Variants in NEBL observed in about 807,000 individuals in gnomAD.
The protein encoded by NEBL is LIM and SH3 protein 2.
NEBL carries 122 observed loss-of-function variants against 140.2 expected under a neutral mutation model. That is an observed-to-expected ratio of 0.87 (90% confidence interval 0.75 to 1.01). The LOEUF (loss-of-function observed/expected upper bound fraction) is 1.01, where lower values mean the gene tolerates loss of function less well. Among genes scored for constraint, NEBL ranks in the 50% least tolerant of loss-of-function variants. The probability of loss-of-function intolerance (pLI) is 0.00; values close to 1 mark genes in which losing one functional copy is unlikely to be tolerated. For synonymous variants in NEBL, 436 were observed against 398.9 expected (o/e 1.09, Z -1.11); for missense variants, 1,365 against 1,231.3 (o/e 1.11, Z -1.62).
At chr10:21,227,713 T>TTC (rs1842180073) in intron 3 of NEBL, among the ~76,000 whole-genome samples, 5 of 63,762 alleles carry the variant, frequency 7.8e-5, no homozygotes, top group Non-Finnish European at 1.3e-4. Context: ...TCTTCTTCTT[T>TTC]CTTCTTCTTC....
intron 1 of NEBL, among the ~76,000 whole-genome samples, chr10:21,260,189 A>G (rs1453153264): frequency 6.6e-6 from 1 of 152,224 alleles, no homozygotes; most frequent in Non-Finnish European, 1.5e-5. Flanking sequence ...CTAGAATGAA[A>G]CAGCTCATCC....
At chr10:20,990,773 C>G (rs528430650) in intron 3 of NEBL, among the ~76,000 whole-genome samples, 1 of 152,334 alleles carries the variant, frequency 6.6e-6, no homozygotes, top group East Asian at 1.9e-4. Flanking sequence ...CAGTGTGACT[C>G]AGTCACTAAT....
chr10:21,210,646 G>C (rs753990736), intron 3 of NEBL, among the ~76,000 whole-genome samples: 1 of 152,108 alleles, frequency 6.6e-6, no homozygotes, highest in Non-Finnish European at 1.5e-5. Context: ...TATGTATCTT[G>C]TAAGGCCTGT....
chr10:20,851,762 G>A (rs1314376223), intron 10 of NEBL, among the ~76,000 whole-genome samples: 1 of 152,088 alleles, frequency 6.6e-6, no homozygotes, highest in East Asian at 1.9e-4. Context: ...TCCAGCCAGG[G>A]TGACAGTGCG....
intron 3 of NEBL, among the ~76,000 whole-genome samples, chr10:21,227,721 TTC>T (rs796929319): frequency 3.8e-3 from 265 of 68,992 alleles, no homozygotes; most frequent in Middle Eastern, 6.5e-3. Context: ...TTTCTTCTTC[TTC>T]TTCTTCTTCT....
At chr10:20,908,486 A>C (rs996343298) in intron 4 of NEBL, among the ~76,000 whole-genome samples, 1 of 152,188 alleles carries the variant, frequency 6.6e-6, no homozygotes, top group Non-Finnish European at 1.5e-5. Flanking sequence ...GCAGGCCATA[A>C]TGAAAGCATT....
chr10:21,130,133 A>T (rs1238811230), intron 2 of NEBL, among the ~76,000 whole-genome samples: 1 of 152,156 alleles, frequency 6.6e-6, no homozygotes, highest in Admixed American at 6.5e-5. Context: ...ACTTCAAAAC[A>T]GGGAAAGTCA....
intron 10 of NEBL, among the ~76,000 whole-genome samples, chr10:20,851,675 C>G (rs970073508): frequency 6.6e-6 from 1 of 151,112 alleles, no homozygotes; most frequent in Non-Finnish European, 1.5e-5. Context: ...ATCTCTGCTA[C>G]TCGGGAGGCT....
chr10:20,855,762 T>G (rs1270492561), intron 9 of NEBL, among the ~76,000 whole-genome samples: 1 of 152,146 alleles, frequency 6.6e-6, no homozygotes, highest in Non-Finnish European at 1.5e-5. Context: ...ACACAGTAAT[T>G]AAGGCACTCA....
chr10:20,817,535 C>A, intron 21 of NEBL, 65 bp downstream of exon 21: 1 of 1,229,710 alleles, frequency 8.1e-7, no homozygotes. Context: ...TAAATACAAT[C>A]CCTTCATTCA....
At chr10:20,815,766 A>G in intron 21 of NEBL, 49 bp from the exon 22 acceptor site, 1 of 1,227,524 alleles carries the variant, frequency 8.1e-7, no homozygotes, top group Non-Finnish European at 1.2e-6. Flanking sequence ...CAATTCAACA[A>G]AGAGACTTAT....
intron 2 of NEBL, among the ~76,000 whole-genome samples, chr10:21,053,730 G>A (rs1286482026): frequency 6.6e-6 from 1 of 152,036 alleles, no homozygotes; most frequent in Non-Finnish European, 1.5e-5. Context: ...TGATAAAGTG[G>A]GATTTAAGAA....
chr10:21,190,410 G>A (rs551908194), intron 3 of NEBL, among the ~76,000 whole-genome samples: 4 of 152,276 alleles, frequency 2.6e-5, no homozygotes, highest in Admixed American at 1.3e-4. Flanking sequence ...CTTGAGCCTG[G>A]GAGGTAGAGG....
chr10:20,863,251 A>G (rs1449597617), intron 7 of NEBL, among the ~76,000 whole-genome samples: 2 of 152,196 alleles, frequency 1.3e-5, no homozygotes, highest in Non-Finnish European at 2.9e-5. Flanking sequence ...CTAACACGCA[A>G]ACCCAAAACT....
chr10:20,809,890 C>T lies in NEBL; in HGVS notation c.2527G>A (p.Val843Ile). The T allele has an allele frequency of 1.9e-6, 3 of 1,564,142 alleles. No individual in the cohort carries two copies. Among genetic ancestry groups the T allele is most frequent in the Non-Finnish European group, 2.6e-6 (3 of 1,151,680 alleles). ...RRPGIIVDLK[V>I]WRTDPGSIFD... is the part of the protein sequence containing the mutation. ...ATGGAGCCAGGATCTGTGCGCCAAA[C>T]TTTGAGGTCTTTTGCCAAAAGGAAG... Residue 843 changes from valine (V) to isoleucine (I), a missense_variant, in exon 25 of 28, where the codon GTT becomes ATT. This residue lies in a region of NEBL where 1,323 missense variants were observed against 1,154.8 expected (regional missense o/e 1.15). Coordinates refer to ENST00000377122, the MANE Select transcript of NEBL (RefSeq NM_006393.3).
chr10:21,234,715 T>C (rs1842325761), intron 3 of NEBL, among the ~76,000 whole-genome samples: 1 of 152,132 alleles, frequency 6.6e-6, no homozygotes, highest in South Asian at 2.1e-4. Flanking sequence ...GAAATCTGGC[T>C]TCCTAAACAG....
intron 21 of NEBL, among the ~76,000 whole-genome samples, chr10:20,816,816 C>T (rs73607519): frequency 0.031 from 4,703 of 152,162 alleles, 237 homozygotes; most frequent in African/African-American, 0.11. Flanking sequence ...TTATTAAGTG[C>T]CCCCAAAATG....
intron 3 of NEBL, among the ~76,000 whole-genome samples, chr10:21,209,223 T>C (rs533823826): frequency 1.3e-5 from 2 of 152,356 alleles, no homozygotes; most frequent in Admixed American, 6.5e-5. Context: ...AAGACTTTTC[T>C]GGAAGCCCCC....
At chr10:21,202,524 C>T (rs939682175) in intron 3 of NEBL, among the ~76,000 whole-genome samples, 16 of 135,312 alleles carry the variant, frequency 1.2e-4, no homozygotes, top group African/African-American at 4.6e-4. Flanking sequence ...AGTGCAGTGG[C>T]GTGATCTCAG....
Sources: allele counts gnomAD v4.1 joint callset (sites outside exome capture counted in the v4.1 genomes callset), GRCh38; gene constraint gnomAD v4.1.1; regional missense constraint gnomAD v4.1.1; transcripts MANE v1.5; gene names NCBI Gene and HGNC (gene_info 2026-07-23, HGNC 2026-07-21).